FAAH2: variants seen among roughly 807,000 people sequenced by gnomAD.
FAAH2 encodes fatty acid amide hydrolase 2.
In FAAH2, 60 loss-of-function variants were observed where a neutral mutation model predicts 36.9. The observed-to-expected ratio is 1.63, with a 90% CI of 1.32 to 2.02. The LOEUF (loss-of-function observed/expected upper bound fraction) is 2.02, where lower values mean the gene tolerates loss of function less well. FAAH2 is among the 30% of genes most tolerant of loss of function. The probability of loss-of-function intolerance (pLI) is 0.00; values close to 1 mark genes in which losing one functional copy is unlikely to be tolerated. For synonymous variants in FAAH2, 214 were observed against 143.8 expected, an observed-to-expected ratio of 1.49 and a Z score of -3.49; for missense variants, 689 against 397.5, an observed-to-expected ratio of 1.73 and a Z score of -6.23.
chrX:57,142,797 G>A, the FAAH2 span, among the ~76,000 whole-genome samples: 8 of 111,389 alleles, frequency 7.2e-5, no homozygotes, highest in African/African-American at 2.6e-4. Flanking sequence ...GGTGCTGGAT[G>A]CATATATATT....
At chrX:57,361,409 T>A (rs2054282668) in intron 5 of FAAH2, among the ~76,000 whole-genome samples, 1 of 111,573 alleles carries the variant, frequency 9.0e-6, no homozygotes, top group South Asian at 3.7e-4. Context: ...ACTTTTTTGA[T>A]ATATGCATTT....
intron 5 of FAAH2, among the ~76,000 whole-genome samples, chrX:57,364,741 G>A (rs1209061159): frequency 2.7e-5 from 3 of 110,270 alleles, no homozygotes; most frequent in Non-Finnish European, 5.7e-5. Flanking sequence ...CAAGATGCTG[G>A]TATGTATTGA....
chrX:57,395,930 T>G (rs771134472), intron 7 of FAAH2, among the ~76,000 whole-genome samples: 1 of 112,067 alleles, frequency 8.9e-6, no homozygotes, highest in African/African-American at 3.2e-5. Flanking sequence ...GGGACAAGTT[T>G]TTTGTATGTC....
the FAAH2 span, among the ~76,000 whole-genome samples, chrX:57,243,086 C>T: frequency 9.0e-6 from 1 of 111,426 alleles, no homozygotes; most frequent in Non-Finnish European, 1.9e-5. Context: ...TCCACTATTA[C>T]TAAGGCTTGA....
chrX:57,213,381 G>A, the FAAH2 span, among the ~76,000 whole-genome samples: 10 of 110,778 alleles, frequency 9.0e-5, no homozygotes, highest in African/African-American at 3.3e-4. Context: ...CATATGTTTG[G>A]TTTGTTCCTG....
At chrX:57,286,596 A>C, upstream of FAAH2, 1 of 304,922 alleles carries the variant, frequency 3.3e-6, no homozygotes, top group East Asian at 4.9e-5. Context: ...TTACAACAGC[A>C]CTAACGACAG....
chrX:57,457,334 G>A (rs2056879496), intron 10 of FAAH2, among the ~76,000 whole-genome samples: 1 of 111,222 alleles, frequency 9.0e-6, no homozygotes, highest in African/African-American at 3.3e-5. Flanking sequence ...CAAACCCACA[G>A]CCAACGTAAT....
chrX:57,146,514 T>C, the FAAH2 span, among the ~76,000 whole-genome samples: 1 of 111,821 alleles, frequency 8.9e-6, no homozygotes, highest in Non-Finnish European at 1.9e-5. Context: ...CAGCAAATAG[T>C]GGCAGTTTGA....
At chrX:57,368,235 C>A (rs1162773933) in intron 5 of FAAH2, among the ~76,000 whole-genome samples, 1 of 106,921 alleles carries the variant, frequency 9.4e-6, no homozygotes, top group African/African-American at 3.4e-5. Flanking sequence ...CCCACCCCCA[C>A]CCCCAAACCC....
At chrX:57,132,186 A>G in the FAAH2 span, among the ~76,000 whole-genome samples, 3 of 112,415 alleles carry the variant, frequency 2.7e-5, no homozygotes, top group Non-Finnish European at 5.6e-5. Flanking sequence ...ACAGCCATAC[A>G]TTAAATTTTT....
chrX:57,396,190 C>T lies in FAAH2; in HGVS notation c.996+15161C>T, dbSNP rs189771250. Reference sequence around the variant, plus strand: ...GGTTGTAATGTCAACACTATCATTTCTGATTGTGTTTATTTGAGTCAGCTG... The same window carrying T: ...GGTTGTAATGTCAACACTATCATTTTTGATTGTGTTTATTTGAGTCAGCTG... On this transcript the variant is annotated intron_variant, in intron 7 of 10. Coordinates refer to ENST00000374900, the MANE Select transcript of FAAH2 (RefSeq NM_174912.4). 6.3e-5 allele frequency among the ~76,000 whole-genome samples: 7 copies of T among 110,645 alleles called. No homozygotes were observed. In the East Asian group the frequency reaches 2.0e-3, roughly 31 times the overall value.
chrX:57,185,497 T>TGC, the FAAH2 span, among the ~76,000 whole-genome samples: 2 of 101,963 alleles, frequency 2.0e-5, no homozygotes, highest in African/African-American at 8.5e-5. Context: ...TCTGTGTGTG[T>TGC]GTGTGTGTGT....
chrX:57,216,526 GTATATATA>G, the FAAH2 span, among the ~76,000 whole-genome samples: 4 of 33,719 alleles, frequency 1.2e-4, no homozygotes, highest in African/African-American at 6.3e-4. Context: ...ATACGTATAT[GTATATATA>G]TATATATACG....
the FAAH2 span, among the ~76,000 whole-genome samples, chrX:57,242,463 C>G: frequency 8.9e-6 from 1 of 112,311 alleles, no homozygotes; most frequent in East Asian, 2.8e-4. Context: ...CCAGGCATGG[C>G]TGGCAATATG....
intron 7 of FAAH2, among the ~76,000 whole-genome samples, chrX:57,422,536 G>A (rs996574923): frequency 3.6e-5 from 4 of 111,950 alleles, no homozygotes; most frequent in East Asian, 2.8e-4. Context: ...ATCGCAAGAT[G>A]GTTTCATGGA....
intron 7 of FAAH2, among the ~76,000 whole-genome samples, chrX:57,411,562 G>A (rs189840737): frequency 9.0e-6 from 1 of 111,598 alleles, no homozygotes; most frequent in African/African-American, 3.3e-5. Flanking sequence ...TTGCATGCTG[G>A]CTCTTATGTG....
At chrX:57,192,742 A>G in the FAAH2 span, among the ~76,000 whole-genome samples, 1 of 112,104 alleles carries the variant, frequency 8.9e-6, no homozygotes, top group Non-Finnish European at 1.9e-5. Context: ...GTGGACATTT[A>G]TTAGTTCCCC....
At chrX:57,247,847 T>C in the FAAH2 span, among the ~76,000 whole-genome samples, 1 of 112,313 alleles carries the variant, frequency 8.9e-6, no homozygotes, top group Non-Finnish European at 1.9e-5. Flanking sequence ...TCAAACGTGT[T>C]TTCCCTATTA....
At chrX:57,314,656 A>C (rs1163631042) in intron 3 of FAAH2, among the ~76,000 whole-genome samples, 1 of 111,417 alleles carries the variant, frequency 9.0e-6, no homozygotes, top group Non-Finnish European at 1.9e-5. Context: ...GGCATAAATC[A>C]AAAAAAGTGA....
Sources: allele counts gnomAD v4.1 joint callset (sites outside exome capture counted in the v4.1 genomes callset), GRCh38; gene constraint gnomAD v4.1.1; transcripts MANE v1.5; gene names NCBI Gene and HGNC (gene_info 2026-07-23, HGNC 2026-07-21).